The following TUSC3 variants were observed in gnomAD, a reference collection of about 807,000 sequenced individuals.
The protein encoded by TUSC3 is dolichyl-diphosphooligosaccharide--protein glycosyltransferase subunit TUSC3.
In TUSC3, 45 loss-of-function variants were observed where a neutral mutation model predicts 44.8. The observed-to-expected ratio is 1.00, with a 90% CI of 0.79 to 1.29. TUSC3 has a LOEUF of 1.29. TUSC3 is among the 50% of genes most tolerant of loss of function. The pLI, the probability that TUSC3 is intolerant of heterozygous loss-of-function variation, is 0.00. For synonymous variants in TUSC3, 212 were observed against 152.9 expected (o/e 1.39, Z -2.85); for missense variants, 519 against 437.9 (o/e 1.19, Z -1.65).
At chr8:15,573,202 C>CTCTA (rs1435847916) in intron 1 of TUSC3, among the ~76,000 whole-genome samples, 282 of 74,114 alleles carry the variant, frequency 3.8e-3, no homozygotes, top group East Asian at 5.6e-3. Context: ...CTCTCTCTCT[C>CTCTA]TATATATATA....
the TUSC3 span, among the ~76,000 whole-genome samples, chr8:15,843,265 G>C: frequency 6.6e-6 from 1 of 152,040 alleles, no homozygotes; most frequent in Non-Finnish European, 1.5e-5. Flanking sequence ...CTGTACAACA[G>C]TATTCAAAAA....
At chr8:15,648,261 C>G (rs1031565324) in intron 2 of TUSC3, among the ~76,000 whole-genome samples, 1 of 152,108 alleles carries the variant, frequency 6.6e-6, no homozygotes, top group Non-Finnish European at 1.5e-5. Context: ...TAAGTGCTCT[C>G]TCTTTTACTA....
chr8:15,688,647 T>G (rs1281839174), intron 6 of TUSC3, among the ~76,000 whole-genome samples: 1 of 152,096 alleles, frequency 6.6e-6, no homozygotes, highest in African/African-American at 2.4e-5. Context: ...GAAATAGAAA[T>G]TTATTCTCAG....
chr8:15,588,281 G>A (rs1364432949), intron 1 of TUSC3, among the ~76,000 whole-genome samples: 1 of 152,064 alleles, frequency 6.6e-6, no homozygotes, highest in East Asian at 1.9e-4. Flanking sequence ...ATCTCACAGT[G>A]GTTTTGATTT....
intron 6 of TUSC3, among the ~76,000 whole-genome samples, chr8:15,704,184 A>G (rs1809520264): frequency 6.6e-6 from 1 of 151,714 alleles, no homozygotes; most frequent in African/African-American, 2.4e-5. Context: ...AGGAAATGAG[A>G]GAGTGATTTA....
chr8:15,484,203 C>G (rs1444324651), intron 2 of TUSC3, among the ~76,000 whole-genome samples: 1 of 152,162 alleles, frequency 6.6e-6, no homozygotes, highest in Non-Finnish European at 1.5e-5. Context: ...TTTACATGCA[C>G]TTATGCAACC....
chr8:15,820,928 T>C, the TUSC3 span, among the ~76,000 whole-genome samples: 19 of 152,166 alleles, frequency 1.2e-4, no homozygotes, highest in Admixed American at 6.5e-4. Context: ...GTAAGTATAA[T>C]ATAAAGAGGT....
intron 2 of TUSC3, among the ~76,000 whole-genome samples, chr8:15,499,997 T>G (rs112701166): frequency 1.3e-5 from 2 of 152,324 alleles, no homozygotes; most frequent in African/African-American, 4.8e-5. Context: ...TTAAACTCCA[T>G]TCCTTCAATA....
At chr8:15,440,167 G>A (rs1800002029) in intron 1 of TUSC3, among the ~76,000 whole-genome samples, 1 of 152,246 alleles carries the variant, frequency 6.6e-6, no homozygotes, top group Admixed American at 6.5e-5. Context: ...CCGAGGAAAT[G>A]AGGCTTCAGC....
intron 1 of TUSC3, among the ~76,000 whole-genome samples, chr8:15,546,469 A>T (rs1157552534): frequency 6.6e-6 from 1 of 151,732 alleles, no homozygotes; most frequent in Non-Finnish European, 1.5e-5. Flanking sequence ...TTTTACATAG[A>T]TAAGTAAGAC....
intron 1 of TUSC3, among the ~76,000 whole-genome samples, chr8:15,569,703 G>T (rs1453808721): frequency 6.6e-6 from 1 of 152,008 alleles, no homozygotes; most frequent in African/African-American, 2.4e-5. Context: ...TAGGGTAGAC[G>T]GTTTGAAAAT....
At chr8:15,702,927 A>G (rs532174757) in intron 6 of TUSC3, among the ~76,000 whole-genome samples, 40 of 152,244 alleles carry the variant, frequency 2.6e-4, no homozygotes, top group African/African-American at 9.6e-4. Context: ...ATGAGCTGAA[A>G]TTGTTTACGT....
chr8:15,753,180 T>C (rs906180807), intron 9 of TUSC3, among the ~76,000 whole-genome samples: 2 of 152,082 alleles, frequency 1.3e-5, no homozygotes, highest in African/African-American at 4.8e-5. Context: ...TTCTTTCTTA[T>C]CTGAATTTCA....
At chr8:15,813,093 C>CA in the TUSC3 span, among the ~76,000 whole-genome samples, 3 of 151,018 alleles carry the variant, frequency 2.0e-5, no homozygotes, top group Non-Finnish European at 4.4e-5. Flanking sequence ...GACCACGTCT[C>CA]AAAAAAAGAC....
At chr8:15,645,188 TACTTACTTCAGAAAC>T (rs1806568657) in intron 2 of TUSC3, among the ~76,000 whole-genome samples, 1 of 152,170 alleles carries the variant, frequency 6.6e-6, no homozygotes, top group South Asian at 2.1e-4. Flanking sequence ...TTGCATAATC[TACTTACTTCAGAAAC>T]ACTTGTTTAC....
At chr8:15,504,939 C>A (rs930596075) in intron 2 of TUSC3, among the ~76,000 whole-genome samples, 4 of 151,712 alleles carry the variant, frequency 2.6e-5, no homozygotes, top group Non-Finnish European at 5.9e-5. Flanking sequence ...GGCAATTTTG[C>A]GTCTTTCTTT....
chr8:15,650,629 T>C, intron 2 of TUSC3, 68 bp from the exon 3 acceptor site: 1 of 1,398,328 alleles, frequency 7.2e-7, no homozygotes, highest in East Asian at 2.3e-5. Context: ...GGGTTGTCTG[T>C]TTTAATAACT....
At chr8:15,428,480 T>A (rs1376699579) in intron 1 of TUSC3, among the ~76,000 whole-genome samples, 10 of 152,224 alleles carry the variant, frequency 6.6e-5, no homozygotes, top group Admixed American at 5.2e-4. Context: ...TTTGGGTATA[T>A]ACCCAGTAAT....
At position 15,573,230 on chromosome 8, in the gene TUSC3, A is replaced by ATATATATATAT. The variant is rs1491232177; in HGVS notation, c.138+32662_138+32663insTATATATATAT. On this transcript the variant is annotated intron_variant, in intron 1 of 10. Coordinates refer to ENST00000503731, the MANE Select transcript of TUSC3 (RefSeq NM_006765.4). ...TATATATATATATATATATATATAT[A>ATATATATATAT]AAAGTTTTTTTTTTTTTGGGCATAC... is the stretch of plus-strand genomic sequence containing the variant. 1.5e-3 allele frequency among the ~76,000 whole-genome samples: 157 copies of ATATATATATAT among 105,950 alleles called. 1 individual carries two copies. Among genetic ancestry groups the ATATATATATAT allele is most frequent in the African/African-American group, 5.5e-3 (142 of 25,694 alleles). 69.5% of individuals were successfully genotyped at this position (105,950 alleles called of 152,430 possible). A position where few individuals can be genotyped will look rare whatever the true frequency, so the allele number is the denominator to read the frequency against.
Sources: allele counts gnomAD v4.1 joint callset (sites outside exome capture counted in the v4.1 genomes callset), GRCh38; gene constraint gnomAD v4.1.1; transcripts MANE v1.5; gene names NCBI Gene and HGNC (gene_info 2026-07-23, HGNC 2026-07-21).